The following NFIB variants were observed in gnomAD, a reference collection of about 807,000 sequenced individuals.
NFIB encodes the protein nuclear factor I B.
Under a neutral mutation model 61.5 loss-of-function variants are expected in NFIB, and 11 were observed. The observed-to-expected ratio is 0.18, with a 90% CI of 0.11 to 0.30. The LOEUF is 0.30. Ranked by LOEUF, NFIB falls within the 10% of genes least tolerant of loss-of-function variation. NFIB has a pLI of 1.00. For missense variants in NFIB, 471 were observed against 608.9 expected (o/e 0.77, Z 2.38); for synonymous variants, 260 against 216.5 (o/e 1.20, Z -1.76).
At chr9:14,270,952 G>C (rs2057563612) in intron 2 of NFIB, among the ~76,000 whole-genome samples, 1 of 152,120 alleles carries the variant, frequency 6.6e-6, no homozygotes, top group Non-Finnish European at 1.5e-5. Context: ...ATGCAAACCA[G>C]AAGTCTCAGG....
At chr9:14,302,617 C>T (rs2059807119) in intron 2 of NFIB, among the ~76,000 whole-genome samples, 1 of 152,118 alleles carries the variant, frequency 6.6e-6, no homozygotes, top group Non-Finnish European at 1.5e-5. Context: ...ATTTTAAACT[C>T]TAATCTGTTA....
At chr9:14,463,306 T>C in the NFIB span, among the ~76,000 whole-genome samples, 2 of 151,886 alleles carry the variant, frequency 1.3e-5, no homozygotes, top group Non-Finnish European at 2.9e-5. Flanking sequence ...CTAAAAAATA[T>C]AAAAGAAGAG....
At chr9:14,206,829 A>G (rs2049790117) in intron 2 of NFIB, among the ~76,000 whole-genome samples, 1 of 151,876 alleles carries the variant, frequency 6.6e-6, no homozygotes, top group African/African-American at 2.4e-5. Flanking sequence ...AAGTTTTTGG[A>G]GATCATGCTC....
chr9:14,179,823 T>G (rs2046565782), intron 2 of NFIB, 43 bp from the exon 3 acceptor site: 2 of 1,601,026 alleles, frequency 1.2e-6, no homozygotes, highest in Non-Finnish European at 1.7e-6. Flanking sequence ...TAATTTGTTT[T>G]GAAAGAATTT....
upstream of NFIB, among the ~76,000 whole-genome samples, chr9:14,316,469 C>A (rs2060543294): frequency 6.6e-6 from 1 of 152,264 alleles, no homozygotes; most frequent in Admixed American, 6.5e-5. Flanking sequence ...GGAGCGGCCT[C>A]CCTGCGGTCC....
intron 2 of NFIB, among the ~76,000 whole-genome samples, chr9:14,200,259 A>C (rs1171517443): frequency 3.3e-5 from 5 of 152,224 alleles, no homozygotes; most frequent in Non-Finnish European, 7.3e-5. Context: ...ATTTCCTCTC[A>C]GAACTGGTAG....
chr9:14,285,295 G>A (rs751718930), intron 2 of NFIB, among the ~76,000 whole-genome samples: 4 of 152,060 alleles, frequency 2.6e-5, no homozygotes, highest in Admixed American at 6.5e-5. Context: ...GCTAATTTTT[G>A]TATTTTTAGT....
intron 2 of NFIB, among the ~76,000 whole-genome samples, chr9:14,292,513 C>A (rs921384101): frequency 6.6e-6 from 1 of 152,216 alleles, no homozygotes; most frequent in African/African-American, 2.4e-5. Flanking sequence ...ATGAAGAGGA[C>A]TGCTCTCTGC....
chr9:14,201,218 T>C (rs1251549342), intron 2 of NFIB, among the ~76,000 whole-genome samples: 1 of 152,128 alleles, frequency 6.6e-6, no homozygotes, highest in African/African-American at 2.4e-5. Flanking sequence ...ATCACAACAC[T>C]TCACTCCTTA....
At chr9:14,527,456 C>T in the NFIB span, among the ~76,000 whole-genome samples, 1 of 152,152 alleles carries the variant, frequency 6.6e-6, no homozygotes, top group Non-Finnish European at 1.5e-5. Context: ...TACCATGACA[C>T]TGAGTGATAA....
chr9:14,133,579 T>G (rs1315106084), intron 6 of NFIB, among the ~76,000 whole-genome samples: 1 of 152,192 alleles, frequency 6.6e-6, no homozygotes, highest in Non-Finnish European at 1.5e-5. Flanking sequence ...GTTTGGGCTC[T>G]GTTCCCAGAG....
At chr9:14,350,086 G>A (rs142089521) in intron 1 of NFIB, among the ~76,000 whole-genome samples, 1,728 of 152,212 alleles carry the variant, frequency 0.011, 13 homozygotes, top group Middle Eastern at 0.02. Context: ...TGGCGGCCCC[G>A]GGGACCCTCC....
At chr9:14,421,549 T>C in the NFIB span, among the ~76,000 whole-genome samples, 2 of 152,212 alleles carry the variant, frequency 1.3e-5, no homozygotes, top group East Asian at 1.9e-4. Context: ...AACTCTTCCA[T>C]TGAGAAAGAT....
chr9:14,343,643 C>G (rs1234947488), intron 1 of NFIB, among the ~76,000 whole-genome samples: 1 of 151,880 alleles, frequency 6.6e-6, no homozygotes, highest in Non-Finnish European at 1.5e-5. Flanking sequence ...AATCCCCAGG[C>G]AAAAGTGTGT....
chr9:14,321,923 C>A, intron 1 of NFIB: 1 of 1,231,622 alleles, frequency 8.1e-7, no homozygotes, highest in Non-Finnish European at 1.0e-6. Context: ...CAAAACCCAT[C>A]AGTTCAAAGC....
intron 2 of NFIB, among the ~76,000 whole-genome samples, chr9:14,206,972 A>G (rs1166782827): frequency 6.6e-6 from 1 of 152,172 alleles, no homozygotes; most frequent in Non-Finnish European, 1.5e-5. Flanking sequence ...TGTGCTTACA[A>G]TGTTAGCTTA....
At chr9:14,433,868 G>A in the NFIB span, among the ~76,000 whole-genome samples, 2 of 152,076 alleles carry the variant, frequency 1.3e-5, no homozygotes, top group African/African-American at 4.8e-5. Flanking sequence ...TGCATGTCTG[G>A]TTGCAAATGT....
At chr9:14,251,553 G>A (rs1055735486) in intron 2 of NFIB, among the ~76,000 whole-genome samples, 3 of 152,188 alleles carry the variant, frequency 2.0e-5, no homozygotes, top group Non-Finnish European at 4.4e-5. Context: ...ATTTTCTCCT[G>A]ACCAGAATAA....
intron 1 of NFIB, among the ~76,000 whole-genome samples, chr9:14,343,533 G>A (rs536314119): frequency 9.7e-4 from 147 of 152,314 alleles, no homozygotes; most frequent in Non-Finnish European, 1.5e-3. Context: ...TGGCAGGGAT[G>A]CTGGTTCCAT....
Sources: allele counts gnomAD v4.1 joint callset (sites outside exome capture counted in the v4.1 genomes callset), GRCh38; gene constraint gnomAD v4.1.1; transcripts MANE v1.5; gene names NCBI Gene and HGNC (gene_info 2026-07-23, HGNC 2026-07-21).